The following PLB1 variants were observed in gnomAD, a reference collection of about 807,000 sequenced individuals.
PLB1 encodes phospholipase B1.
PLB1 carries 242 observed loss-of-function variants against 227.4 expected under a neutral mutation model. The observed-to-expected ratio is 1.06, with a 90% CI of 0.96 to 1.18. The LOEUF (loss-of-function observed/expected upper bound fraction) is 1.18, where lower values mean the gene tolerates loss of function less well. PLB1 is among the 50% of genes most tolerant of loss of function. PLB1 has a pLI of 0.00. For synonymous variants in PLB1, 757 were observed against 682.2 expected (o/e 1.11, Z -1.71); for missense variants, 1,858 against 1,816.3 (o/e 1.02, Z -0.42).
chr2:28,557,093 T>G (rs1382709670), intron 17 of PLB1, among the ~76,000 whole-genome samples: 1 of 152,126 alleles, frequency 6.6e-6, no homozygotes, highest in Non-Finnish European at 1.5e-5. Context: ...GAAGGAATGA[T>G]GCCCTGTGGG....
In PLB1 at chr2:28,625,123, C is replaced by A. The variant is rs1351699860; in HGVS notation, c.3579+15C>A. On this transcript the variant is annotated intron_variant, in intron 50 of 57. Coordinates refer to ENST00000327757, the MANE Select transcript of PLB1 (RefSeq NM_153021.5). ...AAAACAGCCCCGTGAGTACAGGCCC[C>A]CAGGCCACCCCTGAAAGGTGCCCAT... 1 of 1,608,782 alleles carries A rather than the reference C, an allele frequency of 6.2e-7. No homozygotes were observed. Among genetic ancestry groups the A allele is most frequent in the South Asian group, 1.1e-5 (1 of 90,330 alleles).
At chr2:28,552,793 G>T in intron 16 of PLB1, 135 bp from the exon 17 acceptor site, 1 of 698,412 alleles carries the variant, frequency 1.4e-6, no homozygotes. Context: ...TGTTGAAGGA[G>T]AGGGAGAAAT....
intron 1 of PLB1, among the ~76,000 whole-genome samples, chr2:28,510,274 G>C (rs144639728): frequency 1.3e-5 from 2 of 152,306 alleles, no homozygotes; most frequent in East Asian, 3.9e-4. Flanking sequence ...AGTAAGGCTT[G>C]GAGAAGTTGA....
chr2:28,614,994 C>T (rs1014355889), intron 44 of PLB1, among the ~76,000 whole-genome samples: 4 of 152,116 alleles, frequency 2.6e-5, no homozygotes, highest in Non-Finnish European at 5.9e-5. Context: ...ATAGTGATGA[C>T]AGCTCTGAGG....
At position 28,589,478 on chromosome 2, in the gene PLB1, G is replaced by A; in HGVS notation, c.1844G>A (p.Gly615Glu). Residue 615 changes from glycine (G) to glutamate (E), a missense_variant, in exon 27 of 58, where the codon GGG becomes GAG. Physicochemically the swap from Gly to Glu is moderately conservative, Grantham distance 98. Transcript: ENST00000327757. Reference protein sequence around the residue: ...QEKTHQLIESGRYDTREDFTV... With the variant: ...QEKTHQLIESERYDTREDFTV... ...AAGACCCACCAACTGATTGAGAGTG[G>A]GCGATATGACACAAGGGAAGATTTT... 3 of 1,614,114 alleles carry A rather than the reference G, an allele frequency of 1.9e-6. No individual in the cohort carries two copies. The highest frequency in any genetic ancestry group is 2.5e-6 in the Non-Finnish European group (3 of 1,180,016).
At chr2:28,591,583 T>G (rs1420188055) in intron 30 of PLB1, 117 bp from the exon 31 acceptor site, 2 of 1,065,396 alleles carry the variant, frequency 1.9e-6, no homozygotes, top group Non-Finnish European at 2.7e-6. Flanking sequence ...TTGAGGCCCC[T>G]CCCTAGGAGT....
At chr2:28,590,887 C>A (rs564296545) in intron 29 of PLB1, among the ~76,000 whole-genome samples, 2 of 152,176 alleles carry the variant, frequency 1.3e-5, no homozygotes, top group East Asian at 1.9e-4. Context: ...GCCAGCCACG[C>A]GGGAGGTGGA....
chr2:28,517,458 G>A (rs1668987088), intron 2 of PLB1, among the ~76,000 whole-genome samples: 2 of 152,214 alleles, frequency 1.3e-5, no homozygotes, highest in Non-Finnish European at 2.9e-5. Flanking sequence ...GGAGGTCCAA[G>A]TGGTCTTGAG....
At chr2:28,522,832 C>T (rs1302329648) in intron 4 of PLB1, among the ~76,000 whole-genome samples, 1 of 152,196 alleles carries the variant, frequency 6.6e-6, no homozygotes, top group Non-Finnish European at 1.5e-5. Flanking sequence ...AGCACAATTC[C>T]TTGCAAGCCT....
At chr2:28,623,598 G>C (rs1687335998) in intron 49 of PLB1, among the ~76,000 whole-genome samples, 1 of 152,106 alleles carries the variant, frequency 6.6e-6, no homozygotes, top group Non-Finnish European at 1.5e-5. Context: ...GGTAGGGATG[G>C]TACCATGTGT....
intron 50 of PLB1, among the ~76,000 whole-genome samples, chr2:28,625,907 C>T (rs1413158833): frequency 6.0e-5 from 9 of 150,692 alleles, no homozygotes; most frequent in Non-Finnish European, 7.4e-5. Flanking sequence ...CCCCCGCCAG[C>T]GCCCACCGCC....
At chr2:28,524,467 G>A (rs560337716) in intron 4 of PLB1, among the ~76,000 whole-genome samples, 3 of 152,164 alleles carry the variant, frequency 2.0e-5, no homozygotes, top group South Asian at 2.1e-4. Flanking sequence ...GGGGGAAATC[G>A]GAAACTTACC....
intron 19 of PLB1, 114 bp from the exon 20 acceptor site, chr2:28,566,682 C>G: frequency 8.4e-7 from 1 of 1,193,264 alleles, no homozygotes; most frequent in Non-Finnish European, 1.3e-6. Context: ...AAAGTGCAAG[C>G]TCCAGGCCCC....
At position 28,511,939 on chromosome 2, in the gene PLB1, C is replaced by T. The variant is rs534229725; in HGVS notation, c.56-4869C>T. On this transcript the variant is annotated intron_variant, in intron 1 of 57. Coordinates refer to ENST00000327757, the MANE Select transcript of PLB1 (RefSeq NM_153021.5). ...AGCTGGGATTACAGGCACCTACCACCGTGCCTGGCTAACTTTTTTTTTTTT... is the reference window on the plus strand; with the variant it reads ...AGCTGGGATTACAGGCACCTACCACTGTGCCTGGCTAACTTTTTTTTTTTT... 1.3e-4 allele frequency among the ~76,000 whole-genome samples: 19 copies of T among 150,132 alleles called. No individual in the cohort carries two copies. The East Asian group carries it at 2.7e-3, about 22-fold the overall frequency.
chr2:28,577,985 AT>A, intron 21 of PLB1, 121 bp from the exon 22 acceptor site: 1 of 914,648 alleles, frequency 1.1e-6, no homozygotes, highest in Non-Finnish European at 1.8e-6. Flanking sequence ...CCTTCAGTCC[AT>A]TTTCCTGCAG....
At chr2:28,565,901 C>T (rs1043777356) in intron 19 of PLB1, among the ~76,000 whole-genome samples, 1 of 152,170 alleles carries the variant, frequency 6.6e-6, no homozygotes, top group Non-Finnish European at 1.5e-5. Flanking sequence ...CTTTATTTTG[C>T]AGATGAGGAA....
intron 37 of PLB1, among the ~76,000 whole-genome samples, 180 bp downstream of exon 37, chr2:28,601,512 C>T (rs1209814356): frequency 2.7e-5 from 4 of 150,650 alleles, no homozygotes; most frequent in South Asian, 2.1e-4. Flanking sequence ...TCTTACCCCA[C>T]CACCCTCCAG....
chr2:28,636,000 T>TATGA (rs1689261545), intron 56 of PLB1, among the ~76,000 whole-genome samples: 2 of 150,046 alleles, frequency 1.3e-5, no homozygotes, highest in Non-Finnish European at 3.0e-5. Context: ...TGTGTGTATG[T>TATGA]ATGTGTATGT....
At chr2:28,611,234 C>G (rs1477794777) in intron 43 of PLB1, among the ~76,000 whole-genome samples, 1 of 152,166 alleles carries the variant, frequency 6.6e-6, no homozygotes. Context: ...ACCTCTAGCC[C>G]TCTAGCTCTG....
Sources: gnomAD v4.1 joint callset for allele counts (sites outside exome capture counted in the v4.1 genomes callset) on GRCh38, gnomAD v4.1.1 for gene constraint, MANE v1.5 for transcripts, NCBI Gene and HGNC (gene_info 2026-07-23, HGNC 2026-07-21) for gene names.